SYVN1: variants seen among roughly 807,000 people sequenced by gnomAD.
The protein encoded by SYVN1 is synoviolin 1, also known as E3 ubiquitin-protein ligase synoviolin.
Under a neutral mutation model 62.6 loss-of-function variants are expected in SYVN1, and 17 were observed. The observed-to-expected ratio is 0.27, with a 90% CI of 0.19 to 0.41. The LOEUF is 0.41. Among genes scored for constraint, SYVN1 ranks in the 10% least tolerant of loss-of-function variants. The probability of loss-of-function intolerance (pLI) is 1.00; values close to 1 mark genes in which losing one functional copy is unlikely to be tolerated. For missense variants in SYVN1, 634 were observed against 818.0 expected (o/e 0.78, Z 2.74); for synonymous variants, 316 against 304.0 (o/e 1.04, Z -0.41).
At chr11:65,129,636 A>G in intron 14 of SYVN1, 93 bp downstream of exon 14, 1 of 1,255,988 alleles carries the variant, frequency 8.0e-7, no homozygotes, top group African/African-American at 1.5e-5. Flanking sequence ...CTGAATTGGC[A>G]GGTGTCAAAG....
At chr11:65,133,708 G>C (rs923984160) in intron 1 of SYVN1, 90 bp from the exon 2 acceptor site, 6 of 1,041,594 alleles carry the variant, frequency 5.8e-6, no homozygotes, top group South Asian at 1.5e-5. Context: ...AGGAGAAAGT[G>C]GGGGGGAAAT....
At chr11:65,133,914 G>A (rs867569689) in intron 1 of SYVN1, among the ~76,000 whole-genome samples, 1 of 152,386 alleles carries the variant, frequency 6.6e-6, no homozygotes, top group Middle Eastern at 3.4e-3. Flanking sequence ...AAGCTGCAAT[G>A]TTGGAGGAGG....
In SYVN1 at chr11:65,129,869, G is replaced by T. The variant is rs749747458; in HGVS notation, c.1455C>A (p.Thr485=). The T allele has an allele frequency of 1.2e-6, 2 of 1,613,928 alleles. No homozygotes were observed. Among genetic ancestry groups the T allele is most frequent in the South Asian group, 2.2e-5 (2 of 91,086 alleles). Residue 485 remains threonine, a synonymous_variant, in exon 14 of 16, where the codon ACC becomes ACA. Transcript: ENST00000377190. ...PVPPAGFAGL[T]PEELRALEGH... ...CCTCCAGAGCTCGTAGCTCCTCTGG[G>T]GTCAGCCCAGCAAAGCCCGCAGGGG...
At chr11:65,132,060 C>T (rs1369673986) in intron 6 of SYVN1, among the ~76,000 whole-genome samples, 188 bp downstream of exon 6, 1 of 152,202 alleles carries the variant, frequency 6.6e-6, no homozygotes, top group Non-Finnish European at 1.5e-5. Flanking sequence ...GTCCTAGCCT[C>T]TTTGTGCGTC....
intron 6 of SYVN1, 24 bp from the exon 7 acceptor site, chr11:65,131,620 G>T: frequency 6.2e-7 from 1 of 1,610,798 alleles, no homozygotes; most frequent in Non-Finnish European, 8.5e-7. Context: ...GGGACGAGGG[G>T]GATGTAAACA....
rs1337957465 is a variant in SYVN1 at position 65,133,579 on chromosome 11, A to C, written c.23T>G (p.Met8Arg). 6.2e-7 allele frequency: 1 copy of C among 1,611,458 alleles called. No homozygotes were observed. Among genetic ancestry groups the C allele is most frequent in the African/African-American group, 1.3e-5 (1 of 74,946 alleles). The change falls in exon 2 of 16, where the codon ATG becomes AGG. Residue 8 changes from methionine (M) to arginine (R), a missense_variant. By Grantham distance (91) the Met-to-Arg change is moderately conservative. Transcript: ENST00000377190. ...CCCGGTCAGCGCCAGGCTGGCCGCCATCATCACTGCCGTGCGGAACATTGC... is the reference window on the plus strand; with the variant it reads ...CCCGGTCAGCGCCAGGCTGGCCGCCCTCATCACTGCCGTGCGGAACATTGC... Reference protein sequence around the residue: MFRTAVMMAASLALTGAV... With the variant: MFRTAVMRAASLALTGAV...
Position 65,128,269 on chromosome 11 carries a change from C to T in SYVN1, c.*113G>A. The stretch of plus-strand genomic sequence containing the variant: ...AGGGGATGCCGCCTCTTTCTCAGAG[C>T]TGGGGGTACTACTCCCTGGTGCAGA... On this transcript the variant is annotated 3_prime_UTR_variant, in exon 16 of 16. Coordinates refer to ENST00000377190, the MANE Select transcript of SYVN1 (RefSeq NM_172230.3). The T allele has an allele frequency of 2.3e-6, 2 of 880,326 alleles. No individual in the cohort carries two copies. Among genetic ancestry groups the T allele is most frequent in the East Asian group, 2.6e-5 (1 of 37,934 alleles). The allele number at this position is 880,326 out of a possible 1,614,324, so 54.5% of individuals were successfully genotyped here.
At chr11:65,130,223 C>A in intron 12 of SYVN1, 28 bp downstream of exon 12, 1 of 1,609,560 alleles carries the variant, frequency 6.2e-7, no homozygotes, top group Non-Finnish European at 8.5e-7. Context: ...CTGCCGCCCC[C>A]TGGCTGTCAC....
intron 12 of SYVN1, 33 bp downstream of exon 12, chr11:65,130,218 G>C: frequency 6.2e-7 from 1 of 1,608,996 alleles, no homozygotes; most frequent in Non-Finnish European, 8.5e-7. Flanking sequence ...CATCCCTGCC[G>C]CCCCCTGGCT....
rs771252764 is a variant in SYVN1 at position 65,132,192 on chromosome 11, A to C, written c.531+56T>G. ...GAGGAAGGGTCTGTTGGGTTATTCAAGGCACATGTGGGGTCACCTCGGGCT... is the reference window on the plus strand; with the variant it reads ...GAGGAAGGGTCTGTTGGGTTATTCACGGCACATGTGGGGTCACCTCGGGCT... On this transcript the variant is annotated intron_variant, in intron 6 of 15. Coordinates refer to ENST00000377190, the MANE Select transcript of SYVN1 (RefSeq NM_172230.3). The C allele has an allele frequency of 2.9e-6, 4 of 1,374,816 alleles. No individual in the cohort carries two copies. The Admixed American group carries it at 5.0e-5, about 17-fold the overall frequency. The allele number at this position is 1,374,816 out of a possible 1,614,324, so 85.2% of individuals were successfully genotyped here.
chr11:65,128,195 G>C lies in SYVN1; in HGVS notation c.*187C>G. The C allele has an allele frequency of 1.6e-6, 1 of 609,180 alleles. No individual in the cohort carries two copies. 37.7% of individuals were successfully genotyped at this position (609,180 alleles called of 1,614,324 possible). On this transcript the variant is annotated 3_prime_UTR_variant, in exon 16 of 16. Transcript: ENST00000377190. The stretch of plus-strand genomic sequence containing the variant: ...GAACTGACCCGAGATCCCCATGGCT[G>C]CCTGGGACTGGAGTCAAATGGGAAC...
chr11:65,129,839 A>C lies in SYVN1; in HGVS notation c.1485T>G (p.His495Gln). The change falls in exon 14 of 16, where the codon CAT becomes CAG. Residue 495 changes from histidine (H) to glutamine (Q), a missense_variant. His to Gln is a conservative substitution (Grantham distance 24). Coordinates refer to ENST00000377190, the MANE Select transcript of SYVN1 (RefSeq NM_172230.3). ...GCCGGGCCTCCAGGTGCTGCCGCTC[A>C]TGGCCCTCCAGAGCTCGTAGCTCCT... is the stretch of plus-strand genomic sequence containing the variant. ...TPEELRALEG[H>Q]ERQHLEARLQ... The C allele has an allele frequency of 6.2e-7, 1 of 1,614,178 alleles. No homozygotes were observed. Among genetic ancestry groups the C allele is most frequent in the South Asian group, 1.1e-5 (1 of 91,086 alleles).
chr11:65,128,748 C>T, intron 14 of SYVN1, 34 bp from the exon 15 acceptor site: 1 of 1,559,404 alleles, frequency 6.4e-7, no homozygotes, highest in Non-Finnish European at 8.7e-7. Flanking sequence ...CGGGCCTGGC[C>T]TTGGCATCCA....
chr11:65,128,963 C>A, intron 14 of SYVN1: 2 of 511,884 alleles, frequency 3.9e-6, no homozygotes, highest in South Asian at 5.2e-5. Flanking sequence ...CACTCTTACC[C>A]TGCAGTCTCC....
Position 65,130,283 on chromosome 11 carries a change from C to T in SYVN1, c.1202G>A (p.Gly401Glu), listed in dbSNP as rs754039583. The change falls in exon 12 of 16, where the codon GGA becomes GAA. Residue 401 changes from glycine (G) to glutamate (E), a missense_variant. Physicochemically the swap from Gly to Glu is moderately conservative, Grantham distance 98. Coordinates refer to ENST00000377190, the MANE Select transcript of SYVN1 (RefSeq NM_172230.3). ...FPPVPPPPSS[G>E]EAVAPPSTSA... ...GGTGGATGGAGGAGCCACAGCCTCT[C>T]CTGAGCTGGGGGGAGGCGGGACAGG... 6.2e-7 allele frequency: 1 copy of T among 1,601,356 alleles called. No homozygotes were observed. The highest frequency in any genetic ancestry group is 8.5e-7 in the Non-Finnish European group (1 of 1,173,574).
chr11:65,129,095 G>A (rs1264928606), intron 14 of SYVN1: 4 of 193,452 alleles, frequency 2.1e-5, no homozygotes, highest in South Asian at 1.3e-4. Context: ...TTATGTACAT[G>A]TCACTTTTTT....
chr11:65,133,404 C>T (rs1376926046), intron 2 of SYVN1, 66 bp downstream of exon 2: 2 of 1,598,760 alleles, frequency 1.3e-6, no homozygotes, highest in East Asian at 4.5e-5. Flanking sequence ...CTAGCCCCGC[C>T]CCTTGCCCAG....
At chr11:65,129,356 C>A (rs2137238525) in intron 14 of SYVN1, 2 of 208,650 alleles carry the variant, frequency 9.6e-6, no homozygotes, top group Admixed American at 1.0e-4. Flanking sequence ...CTCCAAGTGA[C>A]TTCCTATTAT....
At chr11:65,132,102 G>A in intron 6 of SYVN1, 146 bp downstream of exon 6, 1 of 708,020 alleles carries the variant, frequency 1.4e-6, no homozygotes, top group Non-Finnish European at 2.6e-6. Context: ...GCGTGTGGAG[G>A]GCAGGAGCCA....
Sources: gnomAD v4.1 joint callset for allele counts (sites outside exome capture counted in the v4.1 genomes callset) on GRCh38, gnomAD v4.1.1 for gene constraint, MANE v1.5 for transcripts, NCBI Gene and HGNC (gene_info 2026-07-23, HGNC 2026-07-21) for gene names.